C17orf67: variants seen among roughly 807,000 people sequenced by gnomAD.
C17orf67 encodes uncharacterized protein C17orf67.
C17orf67 carries 12 observed loss-of-function variants against 11.2 expected under a neutral mutation model. The observed-to-expected ratio is 1.07, with a 90% CI of 0.68 to 1.73. C17orf67 has a LOEUF of 1.73. C17orf67 is among the 40% of genes most tolerant of loss of function. The pLI is 0.00. For synonymous variants in C17orf67, 59 were observed against 46.9 expected, an observed-to-expected ratio of 1.26 and a Z score of -1.05; for missense variants, 115 against 113.5, an observed-to-expected ratio of 1.01 and a Z score of -0.06.
At chr17:56,824,485 T>C (rs1033451507) in intron 4 of C17orf67, among the ~76,000 whole-genome samples, 2 of 152,210 alleles carry the variant, frequency 1.3e-5, no homozygotes, top group African/African-American at 2.4e-5. Context: ...CATTCTCCCA[T>C]GTCCCCATTC....
At chr17:56,793,099 C>A (rs886600359) in intron 7 of C17orf67, among the ~76,000 whole-genome samples, 3 of 151,910 alleles carry the variant, frequency 2.0e-5, no homozygotes, top group African/African-American at 4.8e-5. Flanking sequence ...AGAACAAACA[C>A]CATCCAGCTA....
intron 4 of C17orf67, among the ~76,000 whole-genome samples, chr17:56,816,690 C>T (rs1035917405): frequency 6.6e-6 from 1 of 152,206 alleles, no homozygotes; most frequent in Non-Finnish European, 1.5e-5. Flanking sequence ...CAGGGCCTCA[C>T]GCAACATGCT....
intron 6 of C17orf67, among the ~76,000 whole-genome samples, chr17:56,795,982 T>A (rs565256743): frequency 6.6e-6 from 1 of 152,350 alleles, no homozygotes; most frequent in South Asian, 2.1e-4. Flanking sequence ...TATGGCTATA[T>A]GCATTTCTGA....
chr17:56,794,948 C>A (rs1694800988), intron 7 of C17orf67, 96 bp downstream of exon 7: 2 of 806,234 alleles, frequency 2.5e-6, no homozygotes, highest in Middle Eastern at 3.0e-4. Context: ...ACCAGCTGGC[C>A]CCCCTGAGGC....
intron 6 of C17orf67, among the ~76,000 whole-genome samples, chr17:56,797,463 T>C (rs3867600): frequency 0.75 from 114,438 of 151,926 alleles, 43,436 homozygotes; most frequent in Middle Eastern, 0.85. Flanking sequence ...AGAAGCCAGC[T>C]GGCCAGGGAA....
At chr17:56,794,616 C>T (rs1597985368) in intron 7 of C17orf67, among the ~76,000 whole-genome samples, 1 of 152,114 alleles carries the variant, frequency 6.6e-6, no homozygotes, top group Admixed American at 6.5e-5. Context: ...CAGTAGGGAA[C>T]AGGAGCGAGA....
rs918213015 is a variant in C17orf67 at position 56,822,485 on chromosome 17, T to TA, written c.-201+2253dup. Among the ~76,000 whole-genome samples the TA allele has an allele frequency of 8.9e-4, 134 of 151,220 alleles. 1 individual carries two copies. Among genetic ancestry groups the TA allele is most frequent in the Middle Eastern group, 3.4e-3 (1 of 294 alleles). On this transcript the variant is annotated intron_variant, in intron 4 of 7. Coordinates refer to ENST00000397861, the MANE Select transcript of C17orf67 (RefSeq NM_001085430.4). ...TTCCAAATCACTGTTTTCTCACTTA[T>TA]AAAAAAAAAGAATTATAATAAAATT...
At chr17:56,799,402 G>A (rs72837347) in intron 6 of C17orf67, among the ~76,000 whole-genome samples, 18,101 of 152,112 alleles carry the variant, frequency 0.12, 1,165 homozygotes, top group South Asian at 0.16. Flanking sequence ...GTCTTTCCGT[G>A]GCTTGATAGC....
chr17:56,820,818 TTAAG>T (rs1905884976), intron 4 of C17orf67, among the ~76,000 whole-genome samples: 1 of 150,566 alleles, frequency 6.6e-6, no homozygotes. Context: ...ACACAGATAT[TTAAG>T]TGTCATTGAC....
intron 4 of C17orf67, among the ~76,000 whole-genome samples, chr17:56,823,111 G>C (rs1015789186): frequency 6.6e-6 from 1 of 152,238 alleles, no homozygotes; most frequent in African/African-American, 2.4e-5. Context: ...TACTAGGGGA[G>C]TGAACCATGC....
intron 2 of C17orf67, among the ~76,000 whole-genome samples, chr17:56,827,421 G>A (rs1161856138): frequency 6.6e-6 from 1 of 152,194 alleles, no homozygotes; most frequent in African/African-American, 2.4e-5. Context: ...GCAGCACCTT[G>A]GAGCTTCTTA....
chr17:56,798,504 T>C (rs528945402), intron 6 of C17orf67, among the ~76,000 whole-genome samples: 87 of 152,190 alleles, frequency 5.7e-4, no homozygotes, highest in African/African-American at 1.8e-3. Context: ...CAGTCCATAG[T>C]TGATATTAGG....
At position 56,815,989 on chromosome 17, in the gene C17orf67, C is replaced by T. The variant is rs1287556997; in HGVS notation, c.-179G>A. On this transcript the variant is annotated 5_prime_UTR_variant, in exon 5 of 8. Coordinates refer to ENST00000397861, the MANE Select transcript of C17orf67 (RefSeq NM_001085430.4). ...TAATGACCACTGAAATATTTTCCTC[C>T]GAATTCCTGTAAATTTTCATCCTGA... 1.3e-5 allele frequency: 17 copies of T among 1,273,948 alleles called. No homozygotes were observed. Among genetic ancestry groups the T allele is most frequent in the Admixed American group, 8.9e-5 (4 of 45,004 alleles). The allele number at this position is 1,273,948 out of a possible 1,614,324, so 78.9% of individuals were successfully genotyped here.
chr17:56,831,092 A>T lies in C17orf67; in HGVS notation c.-557+1806T>A, dbSNP rs112580525. Among the ~76,000 whole-genome samples, 735 of 152,308 alleles carry T rather than the reference A, an allele frequency of 4.8e-3. 3 individuals are homozygous for T. The highest frequency in any genetic ancestry group is 0.017 in the African/African-American group (697 of 41,558). ...CCCACAGTAAGAGTTTCATTTCAAT[A>T]TAAAAGTTCAGAGGCAGCCTGCAGG... On this transcript the variant is annotated intron_variant, in intron 2 of 7. Coordinates refer to ENST00000397861, the MANE Select transcript of C17orf67 (RefSeq NM_001085430.4).
intron 6 of C17orf67, among the ~76,000 whole-genome samples, chr17:56,809,412 GT>G (rs1905533438): frequency 6.6e-6 from 1 of 151,936 alleles, no homozygotes; most frequent in Non-Finnish European, 1.5e-5. Context: ...AGGTCCGCAA[GT>G]CAAGGCGAAA....
At chr17:56,794,960 T>A (rs1567790995) in intron 7 of C17orf67, 84 bp downstream of exon 7, 20 of 902,892 alleles carry the variant, frequency 2.2e-5, no homozygotes, top group Non-Finnish European at 2.2e-5. Context: ...CCCTGAGGCA[T>A]GGTCTGGAAA....
chr17:56,803,573 C>T (rs1905376400), intron 6 of C17orf67, among the ~76,000 whole-genome samples: 1 of 152,152 alleles, frequency 6.6e-6, no homozygotes, highest in Admixed American at 6.5e-5. Flanking sequence ...CACAGTAGGA[C>T]CACAACAAAG....
At chr17:56,820,067 A>G (rs139207159) in intron 4 of C17orf67, among the ~76,000 whole-genome samples, 2 of 152,366 alleles carry the variant, frequency 1.3e-5, no homozygotes, top group East Asian at 1.9e-4. Context: ...AAAGCGGTAC[A>G]GTAAGTCCTC....
chr17:56,809,613 GCGCACACACACC>G (rs1293434751), intron 6 of C17orf67, among the ~76,000 whole-genome samples: 2 of 64,614 alleles, frequency 3.1e-5, no homozygotes, highest in Non-Finnish European at 3.0e-5. Context: ...CAACCCTCAC[GCGCACACACACC>G]CACACACACA....
Sources: allele counts gnomAD v4.1 joint callset (sites outside exome capture counted in the v4.1 genomes callset), GRCh38; gene constraint gnomAD v4.1.1; transcripts MANE v1.5; gene names NCBI Gene and HGNC (gene_info 2026-07-23, HGNC 2026-07-21).